CADPS2: variants seen among roughly 807,000 people sequenced by gnomAD.
The protein encoded by CADPS2 is calcium-dependent secretion activator 2.
A neutral mutation model predicts 172.5 loss-of-function variants in CADPS2; 93 were observed. That is an observed-to-expected ratio of 0.54 (90% CI 0.46 to 0.64). CADPS2 has a LOEUF of 0.64. Among genes scored for constraint, CADPS2 ranks in the 30% least tolerant of loss-of-function variants. The pLI, the probability that CADPS2 is intolerant of heterozygous loss-of-function variation, is 0.00. For synonymous variants in CADPS2, 546 were observed against 555.2 expected, an observed-to-expected ratio of 0.98 and a Z score of 0.23; for missense variants, 1,420 against 1,565.9, an observed-to-expected ratio of 0.91 and a Z score of 1.57.
chr7:122,719,564 T>C (rs1398152780), intron 2 of CADPS2, among the ~76,000 whole-genome samples: 1 of 152,174 alleles, frequency 6.6e-6, no homozygotes, highest in Non-Finnish European at 1.5e-5. Context: ...AGAGGTTAAG[T>C]GTATTTAATA....
At chr7:122,831,705 C>T (rs978770117) in intron 1 of CADPS2, among the ~76,000 whole-genome samples, 7 of 152,052 alleles carry the variant, frequency 4.6e-5, no homozygotes, top group Non-Finnish European at 8.8e-5. Flanking sequence ...GCAATTTTGC[C>T]AAAAACTGTA....
intron 7 of CADPS2, among the ~76,000 whole-genome samples, chr7:122,571,454 T>C (rs17144588): frequency 1.4e-4 from 21 of 152,082 alleles, no homozygotes; most frequent in African/African-American, 5.1e-4. Flanking sequence ...GTGCATAATA[T>C]GATCAGCCCC....
intron 11 of CADPS2, among the ~76,000 whole-genome samples, chr7:122,485,871 A>T (rs891630253): frequency 1.6e-4 from 25 of 152,302 alleles, no homozygotes; most frequent in African/African-American, 5.3e-4. Context: ...AATGTTTATT[A>T]ACCATTTTGA....
chr7:122,672,884 C>T (rs1198811124), intron 2 of CADPS2, among the ~76,000 whole-genome samples: 1 of 152,226 alleles, frequency 6.6e-6, no homozygotes, highest in Non-Finnish European at 1.5e-5. Flanking sequence ...AATGAAGCCA[C>T]GGACCCTCGC....
intron 6 of CADPS2, among the ~76,000 whole-genome samples, chr7:122,594,664 GA>G (rs2071462854): frequency 6.6e-6 from 1 of 151,888 alleles, no homozygotes; most frequent in Non-Finnish European, 1.5e-5. Context: ...AGAAATAACA[GA>G]AGAGATAATC....
chr7:122,658,644 C>T (rs77475926), intron 3 of CADPS2, among the ~76,000 whole-genome samples: 5 of 152,238 alleles, frequency 3.3e-5, no homozygotes, highest in African/African-American at 1.2e-4. Context: ...GACAGAAAAC[C>T]AAACACCACA....
intron 8 of CADPS2, among the ~76,000 whole-genome samples, chr7:122,514,793 G>A (rs2060237081): frequency 6.6e-6 from 1 of 151,996 alleles, no homozygotes; most frequent in Admixed American, 6.6e-5. Flanking sequence ...GAAATACCAT[G>A]CTGCCAATGA....
chr7:122,729,973 T>A (rs1277872884), intron 2 of CADPS2, among the ~76,000 whole-genome samples: 2 of 151,634 alleles, frequency 1.3e-5, no homozygotes, highest in Admixed American at 6.6e-5. Context: ...GTGTAGTCTC[T>A]ACCTGAAATG....
intron 7 of CADPS2, among the ~76,000 whole-genome samples, chr7:122,556,576 T>C (rs981876105): frequency 6.6e-6 from 1 of 152,190 alleles, no homozygotes; most frequent in Non-Finnish European, 1.5e-5. Flanking sequence ...ATGCTGATGA[T>C]GGCTTGCTAA....
At chr7:122,498,279 T>C (rs972983011) in intron 9 of CADPS2, among the ~76,000 whole-genome samples, 1 of 152,200 alleles carries the variant, frequency 6.6e-6, no homozygotes, top group Non-Finnish European at 1.5e-5. Context: ...TGTTCTTACA[T>C]GTTCTCTTAA....
intron 1 of CADPS2, among the ~76,000 whole-genome samples, chr7:122,740,322 T>C (rs1478348927): frequency 6.6e-6 from 1 of 152,194 alleles, no homozygotes; most frequent in East Asian, 1.9e-4. Context: ...ATTCAGTAGA[T>C]GAATGGATAA....
At chr7:122,464,587 G>A (rs546762907) in intron 14 of CADPS2, among the ~76,000 whole-genome samples, 30 of 152,200 alleles carry the variant, frequency 2.0e-4, no homozygotes, top group African/African-American at 7.0e-4. Flanking sequence ...AGGATGTCAC[G>A]CGGATATTAT....
intron 2 of CADPS2, chr7:122,681,402 G>A (rs1005014505): frequency 1.0e-4 from 158 of 1,505,696 alleles, no homozygotes; most frequent in Middle Eastern, 1.7e-4. Flanking sequence ...TGCCCGATGC[G>A]TGCCCAAGGA....
intron 1 of CADPS2, among the ~76,000 whole-genome samples, chr7:122,822,709 G>A (rs866414283): frequency 1.3e-5 from 2 of 151,852 alleles, no homozygotes; most frequent in Admixed American, 6.6e-5. Flanking sequence ...GTAAATGGCC[G>A]ATCCTTGCCT....
intron 23 of CADPS2, among the ~76,000 whole-genome samples, chr7:122,388,175 G>A (rs1385869367): frequency 6.6e-6 from 1 of 152,030 alleles, no homozygotes; most frequent in East Asian, 1.9e-4. Context: ...AACTGATGGT[G>A]CTGATCCTAT....
At chr7:122,482,045 T>C (rs1263123678) in intron 11 of CADPS2, among the ~76,000 whole-genome samples, 2 of 152,106 alleles carry the variant, frequency 1.3e-5, no homozygotes, top group Non-Finnish European at 2.9e-5. Flanking sequence ...TTCTGTATTA[T>C]TCAGCCACAG....
At chr7:122,718,806 G>C (rs1033194538) in intron 2 of CADPS2, among the ~76,000 whole-genome samples, 1 of 152,116 alleles carries the variant, frequency 6.6e-6, no homozygotes, top group Non-Finnish European at 1.5e-5. Context: ...TCATAAGCTG[G>C]TATGGGATAA....
At chr7:122,566,239 A>G (rs541200057) in intron 7 of CADPS2, among the ~76,000 whole-genome samples, 1 of 152,296 alleles carries the variant, frequency 6.6e-6, no homozygotes, top group South Asian at 2.1e-4. Flanking sequence ...AAAGATAAGA[A>G]TGGCTATTAT....
intron 8 of CADPS2, 115 bp downstream of exon 8, chr7:122,554,435 T>G: frequency 1.9e-6 from 2 of 1,041,314 alleles, no homozygotes; most frequent in Non-Finnish European, 1.4e-6. Context: ...TGTCACTTTT[T>G]GAGAAAACTC....
Sources: allele counts gnomAD v4.1 joint callset (sites outside exome capture counted in the v4.1 genomes callset), GRCh38; gene constraint gnomAD v4.1.1; transcripts MANE v1.5; gene names NCBI Gene and HGNC (gene_info 2026-07-23, HGNC 2026-07-21).